The following PAQR8 variants were observed in gnomAD, a reference collection of about 807,000 sequenced individuals.
PAQR8 encodes membrane progestin receptor beta.
Under a neutral mutation model 25.2 loss-of-function variants are expected in PAQR8, and 17 were observed. That is an observed-to-expected ratio of 0.67 (90% confidence interval 0.46 to 1.01). PAQR8 has a LOEUF of 1.01. Ranked by LOEUF, PAQR8 falls within the 50% of genes least tolerant of loss-of-function variation. The pLI, the probability that PAQR8 is intolerant of heterozygous loss-of-function variation, is 0.00. For missense variants in PAQR8, 392 were observed against 448.4 expected, an observed-to-expected ratio of 0.87 and a Z score of 1.14; for synonymous variants, 204 against 190.6, an observed-to-expected ratio of 1.07 and a Z score of -0.58.
intron 1 of PAQR8, among the ~76,000 whole-genome samples, chr6:52,368,800 G>A (rs1162770104): frequency 1.3e-5 from 2 of 151,922 alleles, no homozygotes; most frequent in East Asian, 1.9e-4. Flanking sequence ...ATATGGTTTA[G>A]CTCTGTGTCT....
At chr6:52,398,061 C>T (rs546480413) in intron 1 of PAQR8, among the ~76,000 whole-genome samples, 1 of 152,166 alleles carries the variant, frequency 6.6e-6, no homozygotes, top group South Asian at 2.1e-4. Context: ...CTCATGGTAC[C>T]ATTTTTGTAG....
chr6:52,401,973 C>A (rs1290445814), intron 1 of PAQR8, among the ~76,000 whole-genome samples: 1 of 152,160 alleles, frequency 6.6e-6, no homozygotes, highest in African/African-American at 2.4e-5. Context: ...TCTTGATAAT[C>A]ATTAAGTCAT....
chr6:52,378,478 G>A (rs180933439), intron 1 of PAQR8, among the ~76,000 whole-genome samples: 3 of 152,306 alleles, frequency 2.0e-5, no homozygotes, highest in Admixed American at 2.0e-4. Flanking sequence ...AAATTTTGTG[G>A]AATATTATTC....
chr6:52,363,658 G>T (rs148779415), intron 1 of PAQR8, among the ~76,000 whole-genome samples: 154 of 152,266 alleles, frequency 1.0e-3, no homozygotes, highest in Non-Finnish European at 1.9e-3. Context: ...GGGAGTATTT[G>T]CTTGTCAGTG....
chr6:52,363,630 G>A (rs1351375445), intron 1 of PAQR8, among the ~76,000 whole-genome samples: 2 of 152,172 alleles, frequency 1.3e-5, no homozygotes, highest in African/African-American at 4.8e-5. Context: ...AGTTAAACAT[G>A]AGAGTATTGT....
chr6:52,370,194 T>C (rs527918773), intron 1 of PAQR8, among the ~76,000 whole-genome samples: 1 of 152,268 alleles, frequency 6.6e-6, no homozygotes, highest in South Asian at 2.1e-4. Context: ...AATGTCTTTG[T>C]CTCATCTGGG....
chr6:52,368,557 G>A (rs1763381601), intron 1 of PAQR8, among the ~76,000 whole-genome samples: 1 of 152,086 alleles, frequency 6.6e-6, no homozygotes, highest in African/African-American at 2.4e-5. Context: ...GTTTAGTCTT[G>A]GGTATATGTT....
intron 1 of PAQR8, among the ~76,000 whole-genome samples, chr6:52,366,413 G>T (rs1763354528): frequency 6.6e-6 from 1 of 152,104 alleles, no homozygotes; most frequent in Admixed American, 6.5e-5. Context: ...TTCTCCTAAT[G>T]GCCTGTGGAG....
chr6:52,398,179 G>A (rs1169448249), intron 1 of PAQR8, among the ~76,000 whole-genome samples: 1 of 147,820 alleles, frequency 6.8e-6, no homozygotes, highest in Non-Finnish European at 1.5e-5. Context: ...CTGACCACAA[G>A]TTTAGAATTT....
intron 1 of PAQR8, among the ~76,000 whole-genome samples, chr6:52,396,302 G>C (rs1007016877): frequency 2.6e-5 from 4 of 152,188 alleles, no homozygotes; most frequent in African/African-American, 9.7e-5. Flanking sequence ...AAATGACCCA[G>C]AGTTGCTGGG....
At chr6:52,367,739 A>C (rs963591764) in intron 1 of PAQR8, among the ~76,000 whole-genome samples, 1 of 152,152 alleles carries the variant, frequency 6.6e-6, no homozygotes, top group Non-Finnish European at 1.5e-5. Flanking sequence ...TAGAGGAAAG[A>C]TGAGGATGGA....
intron 1 of PAQR8, among the ~76,000 whole-genome samples, chr6:52,385,394 T>G (rs979236962): frequency 9.2e-5 from 14 of 152,208 alleles, no homozygotes; most frequent in Non-Finnish European, 1.8e-4. Flanking sequence ...AGGTATGTCT[T>G]TGTCAGCAGC....
chr6:52,401,427 T>A (rs1763828155), intron 1 of PAQR8, among the ~76,000 whole-genome samples: 1 of 152,218 alleles, frequency 6.6e-6, no homozygotes, highest in South Asian at 2.1e-4. Flanking sequence ...CAACTTCAGA[T>A]GAAATTTTGC....
intron 1 of PAQR8, among the ~76,000 whole-genome samples, chr6:52,368,390 C>T (rs1763378871): frequency 6.6e-6 from 1 of 151,980 alleles, no homozygotes; most frequent in African/African-American, 2.4e-5. Flanking sequence ...GTTTGCGAGT[C>T]AAGGTGAGTA....
chr6:52,403,273 C>A lies in PAQR8; in HGVS notation c.60C>A (p.Arg20=). The change falls in exon 2 of 2, where the codon CGC becomes CGA. Residue 20 remains arginine, a synonymous_variant. Coordinates refer to ENST00000442253, the MANE Select transcript of PAQR8 (RefSeq NM_133367.5). ...STLSVSGQQL[R]RLPKILEDGL... is the part of the protein sequence containing the mutation. ...TGTCGGTCAGCGGGCAGCAGCTGCG[C>A]CGCCTGCCCAAGATCCTGGAGGATG... The A allele has an allele frequency of 6.2e-7, 1 of 1,612,436 alleles. No individual in the cohort carries two copies.
At chr6:52,400,229 G>T (rs1220672939) in intron 1 of PAQR8, among the ~76,000 whole-genome samples, 1 of 152,132 alleles carries the variant, frequency 6.6e-6, no homozygotes, top group Non-Finnish European at 1.5e-5. Flanking sequence ...TCAATACAGG[G>T]TTACAGGGGC....
At position 52,381,713 on chromosome 6, in the gene PAQR8, T is replaced by C. The variant is rs1016455002; in HGVS notation, c.-53+19464T>C. ...TTCTTTTAGTTCTGAACACAATTCT[T>C]ATAAAATTACTGGCATAAATGTAAT... On this transcript the variant is annotated intron_variant, in intron 1 of 1. Transcript: ENST00000442253. 2.0e-5 allele frequency among the ~76,000 whole-genome samples: 3 copies of C among 152,226 alleles called. No individual in the cohort carries two copies. The South Asian group carries it at 6.2e-4, about 31-fold the overall frequency.
intron 1 of PAQR8, among the ~76,000 whole-genome samples, chr6:52,371,440 ATTC>A (rs1407930112): frequency 1.3e-5 from 2 of 152,168 alleles, no homozygotes; most frequent in Admixed American, 6.5e-5. Flanking sequence ...GAATAGAAGA[ATTC>A]TTCTATTACA....
chr6:52,403,210 T>G lies in PAQR8; in HGVS notation c.-4T>G, dbSNP rs3748066. 0.31 allele frequency: 486,887 copies of G among 1,588,230 alleles called. 81,310 individuals are homozygous for G. Among genetic ancestry groups the G allele is most frequent in the African/African-American group, 0.59 (44,096 of 74,526 alleles). ...GCGGCACGGAGTGCATGCGGGCCGC[T>G]GCCATGACGACCGCCATCTTGGAGC... On this transcript the variant is annotated 5_prime_UTR_variant, in exon 2 of 2. Transcript: ENST00000442253.
Sources: gnomAD v4.1 joint callset for allele counts (sites outside exome capture counted in the v4.1 genomes callset) on GRCh38, gnomAD v4.1.1 for gene constraint, MANE v1.5 for transcripts, NCBI Gene and HGNC (gene_info 2026-07-23, HGNC 2026-07-21) for gene names.